The following SYK variants were observed in gnomAD, a reference collection of about 807,000 sequenced individuals.
The protein encoded by SYK is tyrosine-protein kinase SYK.
In SYK, 16 loss-of-function variants were observed where a neutral mutation model predicts 77.8. The observed-to-expected ratio is 0.21, with a 90% confidence interval of 0.14 to 0.31. SYK has a LOEUF of 0.31. Among genes scored for constraint, SYK ranks in the 10% least tolerant of loss-of-function variants. The pLI, the probability that SYK is intolerant of heterozygous loss-of-function variation, is 1.00. For synonymous variants in SYK, 312 were observed against 308.7 expected (o/e 1.01, Z -0.11); for missense variants, 529 against 814.4 (o/e 0.65, Z 4.26).
chr9:90,841,982 GTT>G (rs1374023501), intron 1 of SYK, among the ~76,000 whole-genome samples: 32 of 120,606 alleles, frequency 2.7e-4, no homozygotes, highest in African/African-American at 9.0e-4. Flanking sequence ...AGTGTATGTA[GTT>G]TTTGTGTGTT....
intron 1 of SYK, among the ~76,000 whole-genome samples, chr9:90,822,526 A>G (rs1825553272): frequency 6.6e-6 from 1 of 152,240 alleles, no homozygotes; most frequent in Admixed American, 6.5e-5. Context: ...TTCATAGTCA[A>G]TATTTCTAAA....
rs1214199587 is a variant in SYK at position 90,877,788 on chromosome 9, C to G, written c.1391+8C>G. 1 of 1,613,768 alleles carries G rather than the reference C, an allele frequency of 6.2e-7. No individual in the cohort carries two copies. The highest frequency in any genetic ancestry group is 8.5e-7 in the Non-Finnish European group (1 of 1,179,924). The stretch of plus-strand genomic sequence containing the variant: ...GTATTTGCAGCAGAACAGGTATTGT[C>G]AGGTGCCCCCACACATCTGGAAGCT... On this transcript the variant is annotated splice_region_variant and intron_variant, in intron 10 of 13. Coordinates refer to ENST00000375754, the MANE Select transcript of SYK (RefSeq NM_003177.7).
At chr9:90,809,654 G>A (rs910644942) in intron 1 of SYK, among the ~76,000 whole-genome samples, 2 of 152,240 alleles carry the variant, frequency 1.3e-5, no homozygotes, top group African/African-American at 2.4e-5. Context: ...AGAGACTCAA[G>A]TGAGAAGAGC....
chr9:90,885,171 A>T (rs1024095914), intron 11 of SYK, among the ~76,000 whole-genome samples: 18 of 151,914 alleles, frequency 1.2e-4, no homozygotes, highest in Non-Finnish European at 1.8e-4. Flanking sequence ...CCAGCAAAAA[A>T]ATCCCAATCA....
chr9:90,841,597 G>A (rs951581895), intron 1 of SYK, among the ~76,000 whole-genome samples: 5 of 149,710 alleles, frequency 3.3e-5, no homozygotes, highest in East Asian at 2.0e-4. Context: ...TAGTTGTGTG[G>A]TGTGTTTCGT....
intron 1 of SYK, among the ~76,000 whole-genome samples, chr9:90,837,906 C>A (rs1826148336): frequency 6.6e-6 from 1 of 152,234 alleles, no homozygotes; most frequent in African/African-American, 2.4e-5. Context: ...GGCTTCCCTG[C>A]ATCACTGTGA....
intron 3 of SYK, among the ~76,000 whole-genome samples, chr9:90,852,640 G>T (rs1306985892): frequency 6.6e-6 from 1 of 152,156 alleles, no homozygotes; most frequent in East Asian, 1.9e-4. Flanking sequence ...TCTCCAAATA[G>T]CTCGATTAAT....
intron 1 of SYK, 69 bp from the exon 2 acceptor site, chr9:90,843,789 A>G: frequency 8.0e-7 from 1 of 1,244,080 alleles, no homozygotes; most frequent in Non-Finnish European, 1.1e-6. Flanking sequence ...AAAGGGTTTG[A>G]GTGGTTTTAG....
chr9:90,884,482 C>CATATGTGTGTACATATACAT lies in SYK; in HGVS notation c.1582-3266_1582-3265insTATGTGTGTACATATACATA, dbSNP rs1564121271. Among the ~76,000 whole-genome samples the CATATGTGTGTACATATACAT allele has an allele frequency of 0.019, 130 of 6,692 alleles. 60 individuals carry two copies. In the East Asian group the frequency reaches 0.65, roughly 34 times the overall value. The allele number at this position is 6,692 out of a possible 152,430, so 4.4% of individuals were successfully genotyped here. A position where few individuals can be genotyped will look rare whatever the true frequency, so the allele number is the denominator to read the frequency against. ...ACATATGTGTGTACATATACATACA[C>CATATGTGTGTACATATACAT]ACACATACACATATGTGTACATGTA... On this transcript the variant is annotated intron_variant, in intron 11 of 13. Transcript: ENST00000375754.
intron 1 of SYK, among the ~76,000 whole-genome samples, chr9:90,840,396 G>A (rs1826251063): frequency 1.3e-5 from 2 of 152,208 alleles, no homozygotes; most frequent in East Asian, 3.9e-4. Context: ...GCAGGAAAAG[G>A]GTGGAGTGGG....
chr9:90,828,244 C>CCCT (rs1554706460), intron 1 of SYK, among the ~76,000 whole-genome samples: 1 of 114,824 alleles, frequency 8.7e-6, no homozygotes, highest in Non-Finnish European at 1.9e-5. Flanking sequence ...CGCCCCCCCC[C>CCCT]CCGCCCCGCC....
rs1564105003 is a variant in SYK at position 90,864,741 on chromosome 9, A to G, written c.796+74A>G. ...ATCAGCCTCATTTTAGACTTAGCTG[A>G]TTGCAGATTTGGGTTGGATGAGGAC... On this transcript the variant is annotated intron_variant, in intron 5 of 13. Coordinates refer to ENST00000375754, the MANE Select transcript of SYK (RefSeq NM_003177.7). 10 of 1,388,554 alleles carry G rather than the reference A, an allele frequency of 7.2e-6. No homozygotes were observed. In the South Asian group the frequency reaches 9.5e-5, roughly 13 times the overall value. The allele number at this position is 1,388,554 out of a possible 1,614,324, so 86.0% of individuals were successfully genotyped here. A position where few individuals can be genotyped will look rare whatever the true frequency, so the allele number is the denominator to read the frequency against.
intron 1 of SYK, among the ~76,000 whole-genome samples, chr9:90,841,257 G>A (rs574708298): frequency 1.8e-3 from 274 of 151,260 alleles, no homozygotes; most frequent in Non-Finnish European, 3.1e-3. Flanking sequence ...TGGTGTGTTT[G>A]CAGTGTGTGT....
chr9:90,809,414 A>G (rs1391318442), intron 1 of SYK, among the ~76,000 whole-genome samples: 1 of 152,208 alleles, frequency 6.6e-6, no homozygotes, highest in Non-Finnish European at 1.5e-5. Context: ...CACTACTCTA[A>G]TAAGGCGTAA....
At chr9:90,874,391 TGCAATACA>T in intron 8 of SYK, 100 bp downstream of exon 8, 3 of 1,202,570 alleles carry the variant, frequency 2.5e-6, no homozygotes, top group Non-Finnish European at 3.7e-6. Flanking sequence ...CGTCCGTGAT[TGCAATACA>T]GCCACAGTTA....
intron 3 of SYK, among the ~76,000 whole-genome samples, chr9:90,849,833 T>G (rs555915345): frequency 1.3e-5 from 2 of 152,392 alleles, no homozygotes; most frequent in East Asian, 3.9e-4. Flanking sequence ...TAATGTCATC[T>G]CTGACTCTTA....
chr9:90,889,603 G>C (rs290254), intron 13 of SYK, among the ~76,000 whole-genome samples: 88,780 of 152,076 alleles, frequency 0.58, 26,119 homozygotes, highest in Middle Eastern at 0.74. Flanking sequence ...ATCTCATTCT[G>C]TATCTAGAAA....
intron 3 of SYK, among the ~76,000 whole-genome samples, chr9:90,860,496 T>G (rs937681280): frequency 6.6e-6 from 1 of 152,148 alleles, no homozygotes; most frequent in Non-Finnish European, 1.5e-5. Context: ...TAGTCGGCCA[T>G]GTGGCTGTGA....
chr9:90,842,758 AGTGTGTGTGTGTGTGTGTGT>A (rs60139969), intron 1 of SYK, among the ~76,000 whole-genome samples: 1 of 58,350 alleles, frequency 1.7e-5, no homozygotes, highest in East Asian at 4.7e-4. Context: ...GTATGGAGAG[AGTGTGTGTGTGTGTGTGTGT>A]GTGTGTGTGT....
Sources: gnomAD v4.1 joint callset for allele counts (sites outside exome capture counted in the v4.1 genomes callset) on GRCh38, gnomAD v4.1.1 for gene constraint, MANE v1.5 for transcripts, NCBI Gene and HGNC (gene_info 2026-07-23, HGNC 2026-07-21) for gene names.